The following ZFHX3 variants were observed in gnomAD, a reference collection of about 807,000 sequenced individuals.
The protein encoded by ZFHX3 is zinc finger homeobox protein 3.
ZFHX3 carries 42 observed loss-of-function variants against 279.1 expected under a neutral mutation model. The ratio of observed to expected loss-of-function variants is 0.15; its 90% CI spans 0.12 to 0.19. The LOEUF (loss-of-function observed/expected upper bound fraction) is 0.19, where lower values mean the gene tolerates loss of function less well. Among genes scored for constraint, ZFHX3 ranks in the 10% least tolerant of loss-of-function variants. ZFHX3 has a pLI of 1.00. For synonymous variants in ZFHX3, 2,293 were observed against 1,957.8 expected, an observed-to-expected ratio of 1.17 and a Z score of -4.52; for missense variants, 4,981 against 4,754.0, an observed-to-expected ratio of 1.05 and a Z score of -1.40.
At chr16:73,357,712 G>A (rs1308576434) in intron 3 of ZFHX3, among the ~76,000 whole-genome samples, 3 of 152,154 alleles carry the variant, frequency 2.0e-5, no homozygotes, top group Non-Finnish European at 4.4e-5. Context: ...TTTTTAGGGC[G>A]TGAGAATTTG....
chr16:73,687,228 A>G (rs2053098055), intron 1 of ZFHX3, among the ~76,000 whole-genome samples: 1 of 150,296 alleles, frequency 6.7e-6, no homozygotes, highest in South Asian at 2.1e-4. Context: ...ATCTCTAAAA[A>G]AAAAAGTACA....
At chr16:73,089,279 T>A (rs1053689302) in intron 8 of ZFHX3, among the ~76,000 whole-genome samples, 2 of 152,090 alleles carry the variant, frequency 1.3e-5, no homozygotes, top group Non-Finnish European at 2.9e-5. Context: ...AATTTTTGTA[T>A]TTTTAATAAA....
At chr16:73,201,899 G>A (rs546528384) in intron 5 of ZFHX3, among the ~76,000 whole-genome samples, 1 of 152,170 alleles carries the variant, frequency 6.6e-6, no homozygotes, top group South Asian at 2.1e-4. Flanking sequence ...TGTCCTTCAT[G>A]CTTCCTACAT....
Position 72,787,092 on chromosome 16 carries a change from C to CTATT in ZFHX3, c.*68_*71dup. 2.0e-6 allele frequency: 2 copies of CTATT among 987,876 alleles called. No homozygotes were observed. The highest frequency in any genetic ancestry group is 3.9e-5 in the South Asian group (1 of 25,464). 61.2% of individuals were successfully genotyped at this position (987,876 alleles called of 1,614,324 possible). A position where few individuals can be genotyped will look rare whatever the true frequency, so the allele number is the denominator to read the frequency against. ...TAGAAGCTTTGGAATTGCAGTTAGT[C>CTATT]TATTTTTGAAATTGGTTTGTTATTA... On this transcript the variant is annotated 3_prime_UTR_variant, in exon 10 of 10. Transcript: ENST00000268489.
At chr16:73,865,053 G>C (rs950646960) in intron 1 of ZFHX3, among the ~76,000 whole-genome samples, 31 of 152,158 alleles carry the variant, frequency 2.0e-4, no homozygotes, top group African/African-American at 6.8e-4. Context: ...ACAAGCCCAG[G>C]CTAGCTTCTT....
chr16:72,995,290 C>T (rs1455145550), intron 1 of ZFHX3, among the ~76,000 whole-genome samples: 1 of 152,130 alleles, frequency 6.6e-6, no homozygotes. Context: ...TTCCCCTCCA[C>T]TCTTCGCCCG....
chr16:73,793,271 G>C (rs1199316866), intron 1 of ZFHX3, among the ~76,000 whole-genome samples: 1 of 152,116 alleles, frequency 6.6e-6, no homozygotes, highest in East Asian at 1.9e-4. Flanking sequence ...AATTTTGTAG[G>C]AAAAAAATTT....
At chr16:72,838,725 G>T (rs2143771824) in intron 4 of ZFHX3, among the ~76,000 whole-genome samples, 1 of 152,282 alleles carries the variant, frequency 6.6e-6, no homozygotes, top group Admixed American at 6.5e-5. Flanking sequence ...AGGAGAAAAA[G>T]GGAGGAAACG....
intron 2 of ZFHX3, among the ~76,000 whole-genome samples, chr16:73,581,817 G>A (rs754834113): frequency 1.3e-5 from 2 of 151,242 alleles, no homozygotes; most frequent in Non-Finnish European, 2.9e-5. Flanking sequence ...CTATAGGCAT[G>A]TGCCACCACA....
chr16:73,064,577 T>C (rs1418661543), upstream of ZFHX3, among the ~76,000 whole-genome samples: 1 of 152,006 alleles, frequency 6.6e-6, no homozygotes, highest in Non-Finnish European at 1.5e-5. Context: ...TCATCTCCAG[T>C]ACATGGATTG....
Position 73,637,730 on chromosome 16 carries a change from C to T in ZFHX3, c.-1547+42450G>A, listed in dbSNP as rs139882136. On this transcript the variant is annotated intron_variant, in intron 2 of 17. Transcript: ENST00000641206. ...CTAACTAACTCAGATATAAAACTTA[C>T]ACATTAGAAAATATTATATGAACAA... Among the ~76,000 whole-genome samples the T allele has an allele frequency of 5.6e-3, 847 of 151,860 alleles. 2 individuals are homozygous for T. The highest frequency in any genetic ancestry group is 0.027 in the Middle Eastern group (8 of 292).
chr16:73,158,445 C>A (rs1443055950), intron 5 of ZFHX3, among the ~76,000 whole-genome samples: 1 of 152,062 alleles, frequency 6.6e-6, no homozygotes, highest in Non-Finnish European at 1.5e-5. Flanking sequence ...CTCTTCCCTT[C>A]CTTCCCCCTC....
chr16:72,941,926 C>A (rs562912162), intron 3 of ZFHX3, among the ~76,000 whole-genome samples: 1 of 152,244 alleles, frequency 6.6e-6, no homozygotes, highest in African/African-American at 2.4e-5. Flanking sequence ...TCAATACTAC[C>A]GAAATGGTTT....
At chr16:73,606,393 G>A (rs900413493) in intron 2 of ZFHX3, among the ~76,000 whole-genome samples, 8 of 151,312 alleles carry the variant, frequency 5.3e-5, no homozygotes, top group Admixed American at 4.0e-4. Flanking sequence ...GGCTGAGGCA[G>A]GAGAATCTCC....
chr16:73,816,052 G>A (rs1054101748), intron 1 of ZFHX3: 2 of 152,180 alleles, frequency 1.3e-5, no homozygotes, highest in Non-Finnish European at 2.9e-5. Context: ...GGTAGAGACT[G>A]TATTGGACAG....
At chr16:72,792,095 A>ACAC (rs1435380526) in intron 9 of ZFHX3, among the ~76,000 whole-genome samples, 14 of 152,216 alleles carry the variant, frequency 9.2e-5, no homozygotes, top group Non-Finnish European at 1.6e-4. Flanking sequence ...CTGGAGGTGA[A>ACAC]GGTCCAATTT....
chr16:73,132,918 G>C (rs899833350), intron 6 of ZFHX3, among the ~76,000 whole-genome samples: 3 of 152,208 alleles, frequency 2.0e-5, no homozygotes, highest in African/African-American at 4.8e-5. Context: ...TGGTCGGTTT[G>C]GCCGATCGTG....
chr16:73,562,545 G>A lies in ZFHX3; in HGVS notation c.-1546-106287C>T, dbSNP rs2020386354. Reference sequence around the variant, plus strand: ...TGGGAGGCGGAGCTTGCAGTGACCCGAGATGGCGCCACTGAACTCCAGCCT... The same window carrying A: ...TGGGAGGCGGAGCTTGCAGTGACCCAAGATGGCGCCACTGAACTCCAGCCT... On this transcript the variant is annotated intron_variant, in intron 2 of 17. Transcript: ENST00000641206. Among the ~76,000 whole-genome samples, 5 of 146,282 alleles carry A rather than the reference G, an allele frequency of 3.4e-5. No individual in the cohort carries two copies. In the Admixed American group the frequency reaches 3.5e-4, roughly 10 times the overall value.
chr16:73,248,624 G>A lies in ZFHX3; in HGVS notation c.-1104+8423C>T, dbSNP rs535909955. Among the ~76,000 whole-genome samples, 321 of 146,310 alleles carry A rather than the reference G, an allele frequency of 2.2e-3. 1 individual carries two copies. The highest frequency in any genetic ancestry group is 3.6e-3 in the Non-Finnish European group (239 of 66,756). On this transcript the variant is annotated intron_variant, in intron 5 of 17. Transcript: ENST00000641206. ...CCTGTGTATGTGTCTGTGTGTCTAC[G>A]TGCCTGTATGTGGAGAATGTATGTG...
Sources: allele counts gnomAD v4.1 joint callset (sites outside exome capture counted in the v4.1 genomes callset), GRCh38; gene constraint gnomAD v4.1.1; transcripts MANE v1.5; gene names NCBI Gene and HGNC (gene_info 2026-07-23, HGNC 2026-07-21).